PTPRD: variants seen among roughly 807,000 people sequenced by gnomAD.
The protein encoded by PTPRD is protein tyrosine phosphatase receptor type D, also known as receptor-type tyrosine-protein phosphatase delta.
PTPRD carries 34 observed loss-of-function variants against 214.5 expected under a neutral mutation model. That is an observed-to-expected ratio of 0.16 (90% CI 0.12 to 0.21). The LOEUF (loss-of-function observed/expected upper bound fraction) is 0.21, where lower values mean the gene tolerates loss of function less well. PTPRD is among the 10% of genes least tolerant of loss of function. The probability of loss-of-function intolerance (pLI) is 1.00; values close to 1 mark genes in which losing one functional copy is unlikely to be tolerated. For synonymous variants in PTPRD, 1,128 were observed against 845.7 expected (o/e 1.33, Z -5.79); for missense variants, 2,545 against 2,398.7 (o/e 1.06, Z -1.27).
intron 11 of PTPRD, among the ~76,000 whole-genome samples, chr9:8,743,470 A>G (rs1336089783): frequency 6.6e-6 from 1 of 152,144 alleles, no homozygotes; most frequent in Non-Finnish European, 1.5e-5. Context: ...AGTTTCAAGG[A>G]CTGTTTTCTC....
At chr9:8,444,104 T>A (rs529982750) in intron 34 of PTPRD, among the ~76,000 whole-genome samples, 125 of 152,246 alleles carry the variant, frequency 8.2e-4, no homozygotes, top group African/African-American at 2.8e-3. Flanking sequence ...TATTTCCAGG[T>A]GTCTGACATG....
rs2090591253 is a variant in PTPRD, at chr9:8,394,652, C to T, written c.4211-5245G>A. Among the ~76,000 whole-genome samples, 3 of 152,230 alleles carry T rather than the reference C, an allele frequency of 2.0e-5. No homozygotes were observed. In the South Asian group the frequency reaches 6.2e-4, roughly 32 times the overall value. ...TCTTTTGAGTTCTAAAATAAGGTGTCTGTCTGTGCTATTCTTAACCTTCTT... is the reference window on the plus strand; with the variant it reads ...TCTTTTGAGTTCTAAAATAAGGTGTTTGTCTGTGCTATTCTTAACCTTCTT... On this transcript the variant is annotated intron_variant, in intron 36 of 45. Transcript: ENST00000381196.
chr9:8,318,705 T>C (rs1287826408), intron 45 of PTPRD, among the ~76,000 whole-genome samples: 1 of 152,002 alleles, frequency 6.6e-6, no homozygotes, highest in East Asian at 1.9e-4. Context: ...TTGCTAGTTG[T>C]CTGTTTTAGA....
chr9:8,834,267 T>C (rs752561541), intron 11 of PTPRD, among the ~76,000 whole-genome samples: 3 of 152,140 alleles, frequency 2.0e-5, no homozygotes, highest in Non-Finnish European at 2.9e-5. Flanking sequence ...TATTTTTAGA[T>C]AGATTTTTAA....
intron 11 of PTPRD, among the ~76,000 whole-genome samples, chr9:8,834,043 C>G (rs2097358946): frequency 6.6e-6 from 1 of 151,944 alleles, no homozygotes; most frequent in Non-Finnish European, 1.5e-5. Flanking sequence ...TCAGAAAGCA[C>G]AATAATGCCT....
chr9:10,277,605 G>T (rs1456317541), intron 3 of PTPRD, among the ~76,000 whole-genome samples: 1 of 152,148 alleles, frequency 6.6e-6, no homozygotes, highest in Admixed American at 6.5e-5. Flanking sequence ...CTAATGTCAT[G>T]ATTGTATTCG....
At chr9:10,115,080 C>G (rs1360485955) in intron 3 of PTPRD, among the ~76,000 whole-genome samples, 1 of 151,594 alleles carries the variant, frequency 6.6e-6, no homozygotes, top group Non-Finnish European at 1.5e-5. Context: ...TCTCTCACAG[C>G]CTGTGGCAAG....
At chr9:9,347,818 G>A (rs981161370) in intron 9 of PTPRD, among the ~76,000 whole-genome samples, 1 of 152,110 alleles carries the variant, frequency 6.6e-6, no homozygotes, top group African/African-American at 2.4e-5. Flanking sequence ...GCTTCACTCT[G>A]TAAAGGCACT....
chr9:9,402,966 G>C (rs1368276603), intron 8 of PTPRD, among the ~76,000 whole-genome samples: 1 of 78,596 alleles, frequency 1.3e-5, no homozygotes. Context: ...CTAATAGGGA[G>C]AAAAAAAAAA....
At chr9:10,130,549 A>G (rs1176086889) in intron 3 of PTPRD, among the ~76,000 whole-genome samples, 10 of 152,198 alleles carry the variant, frequency 6.6e-5, no homozygotes, top group Admixed American at 6.6e-4. Context: ...CATAACACTT[A>G]GTCATCAACC....
intron 11 of PTPRD, among the ~76,000 whole-genome samples, chr9:8,766,721 A>G (rs1323283956): frequency 1.3e-5 from 2 of 152,194 alleles, no homozygotes; most frequent in Non-Finnish European, 2.9e-5. Flanking sequence ...TGGATTCACC[A>G]AAAGTTGGGT....
chr9:8,888,404 A>T (rs2098509572), intron 11 of PTPRD, among the ~76,000 whole-genome samples: 1 of 152,204 alleles, frequency 6.6e-6, no homozygotes, highest in Admixed American at 6.5e-5. Context: ...TTTTCTTACC[A>T]CTAAATTCAA....
intron 7 of PTPRD, among the ~76,000 whole-genome samples, chr9:9,649,974 G>A (rs2096292042): frequency 6.6e-6 from 1 of 152,126 alleles, no homozygotes; most frequent in South Asian, 2.1e-4. Context: ...AGGGAGAATT[G>A]AAAATGAAAG....
chr9:10,557,664 C>T (rs1262127828), intron 2 of PTPRD, among the ~76,000 whole-genome samples: 2 of 152,046 alleles, frequency 1.3e-5, no homozygotes, highest in Non-Finnish European at 2.9e-5. Context: ...CTGATGGGCT[C>T]AGCTTAGATT....
At chr9:9,663,341 A>T (rs1190618149) in intron 7 of PTPRD, among the ~76,000 whole-genome samples, 3 of 151,534 alleles carry the variant, frequency 2.0e-5, no homozygotes, top group African/African-American at 7.2e-5. Flanking sequence ...ATCACTAGTT[A>T]TATCAATAAA....
At chr9:10,606,547 C>G (rs868109249) in intron 2 of PTPRD, among the ~76,000 whole-genome samples, 1 of 113,604 alleles carries the variant, frequency 8.8e-6, no homozygotes, top group Non-Finnish European at 1.9e-5. Flanking sequence ...TTTTTTTTTT[C>G]TGTTTCTGTG....
Position 9,186,689 on chromosome 9 carries a change from G to A in PTPRD, c.-202-3326C>T, listed in dbSNP as rs922819016. On this transcript the variant is annotated intron_variant, in intron 9 of 45. Coordinates refer to ENST00000381196, the MANE Select transcript of PTPRD (RefSeq NM_002839.4). Reference sequence around the variant, plus strand: ...CTCACACACACACACACAAACACACGTATCCTAATACATATGTGTGTATGC... The same window carrying A: ...CTCACACACACACACACAAACACACATATCCTAATACATATGTGTGTATGC... 1.7e-3 allele frequency among the ~76,000 whole-genome samples: 244 copies of A among 146,436 alleles called. 2 individuals carry two copies. Among genetic ancestry groups the A allele is most frequent in the African/African-American group, 5.7e-3 (224 of 39,276 alleles).
chr9:10,555,206 A>G (rs1265922774), intron 2 of PTPRD, among the ~76,000 whole-genome samples: 1 of 152,180 alleles, frequency 6.6e-6, no homozygotes, highest in Admixed American at 6.5e-5. Context: ...CAAATCCTAT[A>G]TTATCCAATT....
At chr9:8,726,648 T>C (rs1353914775) in intron 12 of PTPRD, among the ~76,000 whole-genome samples, 4 of 84,964 alleles carry the variant, frequency 4.7e-5, no homozygotes, top group South Asian at 8.8e-4. Context: ...TATATATATA[T>C]ATGACAGCCA....
Sources: allele counts gnomAD v4.1 joint callset (sites outside exome capture counted in the v4.1 genomes callset), GRCh38; gene constraint gnomAD v4.1.1; transcripts MANE v1.5; gene names NCBI Gene and HGNC (gene_info 2026-07-23, HGNC 2026-07-21).